Variants in FAM118B observed in about 807,000 individuals in gnomAD.
The protein encoded by FAM118B is SIR2 antiphage like 1.
In FAM118B, 24 loss-of-function variants were observed where a neutral mutation model predicts 38.5. That is an observed-to-expected ratio of 0.62 (90% CI 0.45 to 0.88). The LOEUF is 0.88. Among genes scored for constraint, FAM118B ranks in the 40% least tolerant of loss-of-function variants. The probability of loss-of-function intolerance (pLI) is 0.00; values close to 1 mark genes in which losing one functional copy is unlikely to be tolerated. For missense variants in FAM118B, 334 were observed against 420.0 expected, an observed-to-expected ratio of 0.80 and a Z score of 1.79; for synonymous variants, 138 against 156.3, an observed-to-expected ratio of 0.88 and a Z score of 0.87.
intron 4 of FAM118B, among the ~76,000 whole-genome samples, chr11:126,247,923 A>G (rs145614606): frequency 6.8e-6 from 1 of 147,094 alleles, no homozygotes; most frequent in Non-Finnish European, 1.5e-5. Context: ...ATAGATACGT[A>G]TATCTATATA....
intron 1 of FAM118B, among the ~76,000 whole-genome samples, chr11:126,228,670 C>A (rs1591507903): frequency 2.6e-5 from 4 of 152,162 alleles, no homozygotes; most frequent in African/African-American, 9.7e-5. Context: ...AAGAACTTCT[C>A]TGCCTCAGCC....
At chr11:126,259,867 C>A (rs1223982517) in intron 7 of FAM118B, among the ~76,000 whole-genome samples, 1 of 151,748 alleles carries the variant, frequency 6.6e-6, no homozygotes, top group Non-Finnish European at 1.5e-5. Flanking sequence ...ACTAAAGGCG[C>A]CCGCCACCAC....
At chr11:126,214,420 A>C (rs1369729397) in intron 1 of FAM118B, 1 of 137,608 alleles carries the variant, frequency 7.3e-6, no homozygotes, top group Non-Finnish European at 1.6e-5. Flanking sequence ...ATTTTCAAAG[A>C]GCAATAATCA....
At position 126,256,599 on chromosome 11, in the gene FAM118B, A is replaced by T; in HGVS notation, c.729A>T (p.Ser243=). The T allele has an allele frequency of 6.2e-7, 1 of 1,613,918 alleles. No individual in the cohort carries two copies. Among genetic ancestry groups the T allele is most frequent in the Non-Finnish European group, 8.5e-7 (1 of 1,179,950 alleles). The part of the protein sequence containing the change: ...REIQKLYENK[S]FLFLGCGWTV... ...TTCAGAAACTCTACGAAAACAAGTC[A>T]TTTCTTTTCCTGGGCTGTGGCTGGA... The change falls in exon 7 of 9, where the codon TCA becomes TCT. Residue 243 remains serine, a synonymous_variant. Coordinates refer to ENST00000533050, the MANE Select transcript of FAM118B (RefSeq NM_024556.4). The surrounding 1 kb of genome is among the most constrained non-coding windows in gnomAD (Gnocchi z 6.6).
At chr11:126,212,894 G>A (rs1018391729) in intron 1 of FAM118B, among the ~76,000 whole-genome samples, 3 of 152,196 alleles carry the variant, frequency 2.0e-5, no homozygotes, top group Non-Finnish European at 2.9e-5. Flanking sequence ...CTCCTTGAAA[G>A]TGGAATTCTG....
chr11:126,220,035 A>G (rs1260126778), intron 1 of FAM118B, among the ~76,000 whole-genome samples: 2 of 152,218 alleles, frequency 1.3e-5, no homozygotes, highest in Non-Finnish European at 2.9e-5. Context: ...ACATGAACCC[A>G]AGATACTCAG....
At chr11:126,246,796 T>C (rs1950424724) in intron 4 of FAM118B, among the ~76,000 whole-genome samples, 1 of 152,146 alleles carries the variant, frequency 6.6e-6, no homozygotes. Flanking sequence ...GTCACTGTTT[T>C]AGATGAATGG....
intron 4 of FAM118B, among the ~76,000 whole-genome samples, chr11:126,242,929 C>T (rs1355199621): frequency 3.3e-5 from 5 of 152,156 alleles, no homozygotes; most frequent in Admixed American, 2.0e-4. Context: ...TTCATAGCAA[C>T]GTTATTCATA....
At position 126,234,945 on chromosome 11, in the gene FAM118B, A is replaced by C. The variant is rs961773634; in HGVS notation, c.-7-50A>C. 1.6e-5 allele frequency: 23 copies of C among 1,416,724 alleles called. No individual in the cohort carries two copies. In the East Asian group the frequency reaches 2.7e-4, roughly 17 times the overall value. The allele number at this position is 1,416,724 out of a possible 1,614,324, so 87.8% of individuals were successfully genotyped here. ...GTTTAATATATGTGCTATTTTGAAT[A>C]GTATACTTTACAGATCTAATTGTGG... On this transcript the variant is annotated intron_variant, in intron 2 of 8. Coordinates refer to ENST00000533050, the MANE Select transcript of FAM118B (RefSeq NM_024556.4).
intron 1 of FAM118B, among the ~76,000 whole-genome samples, chr11:126,220,130 G>T (rs1194692517): frequency 6.6e-6 from 1 of 152,138 alleles, no homozygotes; most frequent in Non-Finnish European, 1.5e-5. Flanking sequence ...GTTGGAGGAA[G>T]GGGGGCTTCA....
At position 126,252,188 on chromosome 11, in the gene FAM118B, T is replaced by C. The variant is rs1950513453; in HGVS notation, c.567+1455T>C. Among the ~76,000 whole-genome samples, 2 of 152,026 alleles carry C rather than the reference T, an allele frequency of 1.3e-5. No individual in the cohort carries two copies. Among genetic ancestry groups the C allele is most frequent in the African/African-American group, 4.8e-5 (2 of 41,386 alleles). On this transcript the variant is annotated intron_variant, in intron 5 of 8. Transcript: ENST00000533050. The surrounding 1 kb of genome is among the most constrained non-coding windows in gnomAD (Gnocchi z 4.7). Reference sequence around the variant, plus strand: ...TTTCAGTAGAGACAGGGTTTCACCATGTTGGCCAGGCTGGTCTCGAACTCC... The same window carrying C: ...TTTCAGTAGAGACAGGGTTTCACCACGTTGGCCAGGCTGGTCTCGAACTCC...
rs747958121 is a variant in FAM118B at position 126,252,326 on chromosome 11, T to C, written c.567+1593T>C. On this transcript the variant is annotated intron_variant, in intron 5 of 8. Transcript: ENST00000533050. The surrounding 1 kb of genome is among the most constrained non-coding windows in gnomAD (Gnocchi z 4.7). Reference sequence around the variant, plus strand: ...GCTGTTTATCTGTTTTCTGACTGTTTACCCCATAGGAATAGTAACTTCACT... The same window carrying C: ...GCTGTTTATCTGTTTTCTGACTGTTCACCCCATAGGAATAGTAACTTCACT... Among the ~76,000 whole-genome samples, 1 of 152,236 alleles carries C rather than the reference T, an allele frequency of 6.6e-6. No homozygotes were observed. The highest frequency in any genetic ancestry group is 2.4e-5 in the African/African-American group (1 of 41,460).
intron 3 of FAM118B, among the ~76,000 whole-genome samples, chr11:126,235,563 A>G (rs772957750): frequency 2.6e-5 from 4 of 152,066 alleles, no homozygotes; most frequent in Non-Finnish European, 4.4e-5. Context: ...GTGTCGCCCA[A>G]GCTGGAGTTC....
At chr11:126,221,950 C>T (rs941289735) in intron 1 of FAM118B, among the ~76,000 whole-genome samples, 1 of 152,060 alleles carries the variant, frequency 6.6e-6, no homozygotes, top group Non-Finnish European at 1.5e-5. Flanking sequence ...CTCATCCAGG[C>T]ATGTGAAACT....
intron 2 of FAM118B, among the ~76,000 whole-genome samples, chr11:126,234,643 A>C (rs1320451003): frequency 6.6e-6 from 1 of 152,160 alleles, no homozygotes; most frequent in Non-Finnish European, 1.5e-5. Context: ...CCGCAAACCC[A>C]TCTTGTGGGA....
At chr11:126,216,597 A>T (rs1949981927) in intron 1 of FAM118B, among the ~76,000 whole-genome samples, 1 of 152,244 alleles carries the variant, frequency 6.6e-6, no homozygotes, top group Non-Finnish European at 1.5e-5. Flanking sequence ...ATTTCTAAAT[A>T]AAGACCCAAA....
At chr11:126,254,186 C>A in intron 5 of FAM118B, 119 bp from the exon 6 acceptor site, 1 of 1,240,078 alleles carries the variant, frequency 8.1e-7, no homozygotes, top group Non-Finnish European at 1.1e-6. Context: ...TGTCCTATAT[C>A]ATGAAGCTAG....
chr11:126,237,239 G>GTT (rs1950287467), intron 3 of FAM118B, among the ~76,000 whole-genome samples: 1 of 1,882 alleles, frequency 5.3e-4, no homozygotes, highest in African/African-American at 1.4e-3. Context: ...TTTTTTTTTT[G>GTT]AGATGGAGTC....
chr11:126,223,552 C>A (rs1160348485), intron 1 of FAM118B, among the ~76,000 whole-genome samples: 1 of 149,726 alleles, frequency 6.7e-6, no homozygotes, highest in Non-Finnish European at 1.5e-5. Flanking sequence ...GAGCCGAGAT[C>A]GCCACTGCAC....
Sources: allele counts gnomAD v4.1 joint callset (sites outside exome capture counted in the v4.1 genomes callset), GRCh38; gene constraint gnomAD v4.1.1; non-coding constraint Gnocchi (gnomAD v3.1); transcripts MANE v1.5; gene names NCBI Gene and HGNC (gene_info 2026-07-23, HGNC 2026-07-21).